RALYL: variants seen among roughly 807,000 people sequenced by gnomAD.
RALYL encodes the protein RALY RNA binding protein like.
In RALYL, 29 loss-of-function variants were observed where a neutral mutation model predicts 35.1. The observed-to-expected ratio is 0.83, with a 90% CI of 0.61 to 1.13. RALYL has a LOEUF of 1.13. Among genes scored for constraint, RALYL ranks in the 50% most tolerant of loss-of-function variants. The pLI is 0.00. For missense variants in RALYL, 359 were observed against 360.4 expected (o/e 1.00, Z 0.03); for synonymous variants, 120 against 127.6 (o/e 0.94, Z 0.40).
intron 2 of RALYL, among the ~76,000 whole-genome samples, chr8:84,744,459 A>T (rs1808135978): frequency 6.6e-6 from 1 of 152,026 alleles, no homozygotes; most frequent in Admixed American, 6.6e-5. Flanking sequence ...GCAAAGCAGG[A>T]AGCCACTCTT....
chr8:84,438,592 A>G (rs570042026), intron 1 of RALYL, among the ~76,000 whole-genome samples: 56 of 152,008 alleles, frequency 3.7e-4, no homozygotes, highest in African/African-American at 1.3e-3. Flanking sequence ...AGGTTTTGCC[A>G]TGTTGCCCAG....
intron 1 of RALYL, among the ~76,000 whole-genome samples, chr8:84,446,828 C>G (rs567317553): frequency 6.6e-6 from 1 of 152,156 alleles, no homozygotes; most frequent in East Asian, 1.9e-4. Context: ...TATAAATAAG[C>G]TTGATTCTCA....
chr8:84,627,525 A>G (rs1029678236), intron 2 of RALYL, among the ~76,000 whole-genome samples: 1 of 150,050 alleles, frequency 6.7e-6, no homozygotes. Flanking sequence ...TAATACATAC[A>G]GCATTTCTTT....
intron 1 of RALYL, among the ~76,000 whole-genome samples, chr8:84,195,787 G>A (rs1424196141): frequency 6.6e-6 from 1 of 152,068 alleles, no homozygotes; most frequent in African/African-American, 2.4e-5. Flanking sequence ...AGGAACAACA[G>A]CAACAAAAAG....
chr8:84,708,340 A>G (rs1841566541), intron 2 of RALYL, among the ~76,000 whole-genome samples: 1 of 152,136 alleles, frequency 6.6e-6, no homozygotes, highest in African/African-American at 2.4e-5. Flanking sequence ...ATAATTCACT[A>G]TACAAGAGGA....
intron 1 of RALYL, among the ~76,000 whole-genome samples, chr8:84,433,600 T>C (rs936322698): frequency 2.0e-5 from 3 of 152,014 alleles, no homozygotes; most frequent in Non-Finnish European, 4.4e-5. Flanking sequence ...TCACGAGATC[T>C]GTTGGGTTTA....
chr8:84,587,938 A>G (rs1248418273), intron 2 of RALYL, among the ~76,000 whole-genome samples: 1 of 152,172 alleles, frequency 6.6e-6, no homozygotes, highest in African/African-American at 2.4e-5. Context: ...AAAGGATGGT[A>G]GCAGAGTGCT....
At chr8:84,832,970 T>C (rs1831212679) in intron 4 of RALYL, among the ~76,000 whole-genome samples, 1 of 152,212 alleles carries the variant, frequency 6.6e-6, no homozygotes, top group East Asian at 1.9e-4. Context: ...TACTACCCTT[T>C]AATACTTAGT....
chr8:84,827,357 T>G (rs890983188), intron 4 of RALYL, among the ~76,000 whole-genome samples: 1 of 151,962 alleles, frequency 6.6e-6, no homozygotes, highest in Non-Finnish European at 1.5e-5. Context: ...ACTAAAACAG[T>G]TTACTGTATA....
At chr8:84,909,608 T>C (rs1847159658) in intron 8 of RALYL, among the ~76,000 whole-genome samples, 3 of 152,094 alleles carry the variant, frequency 2.0e-5, no homozygotes, top group African/African-American at 7.2e-5. Context: ...ATAAAGGCTG[T>C]ATGAACAAAG....
chr8:84,372,778 A>G (rs999926732), intron 1 of RALYL, among the ~76,000 whole-genome samples: 3 of 150,142 alleles, frequency 2.0e-5, no homozygotes, highest in African/African-American at 7.3e-5. Context: ...TTCTGATTTT[A>G]GGTCTTTGAG....
intron 2 of RALYL, among the ~76,000 whole-genome samples, chr8:84,683,973 A>T (rs986858699): frequency 2.6e-5 from 4 of 152,126 alleles, no homozygotes. Context: ...AAGTGGTGGG[A>T]TTACAGGCGT....
chr8:84,730,184 C>A (rs1007587385), intron 2 of RALYL, among the ~76,000 whole-genome samples: 3 of 152,000 alleles, frequency 2.0e-5, no homozygotes, highest in African/African-American at 7.2e-5. Flanking sequence ...AGCTTATCCA[C>A]CATGATCAAG....
intron 8 of RALYL, among the ~76,000 whole-genome samples, chr8:84,919,393 A>G (rs940758545): frequency 6.6e-6 from 1 of 151,992 alleles, no homozygotes; most frequent in Non-Finnish European, 1.5e-5. Flanking sequence ...ATCATTGTTG[A>G]TATGTGCATG....
intron 1 of RALYL, among the ~76,000 whole-genome samples, chr8:84,307,503 C>T (rs955838789): frequency 2.0e-5 from 3 of 152,096 alleles, no homozygotes; most frequent in South Asian, 2.1e-4. Flanking sequence ...AGCACAACCA[C>T]GTATATTTTA....
Position 84,887,166 on chromosome 8 carries a change from C to T in RALYL, c.686-438C>T, listed in dbSNP as rs557114711. On this transcript the variant is annotated intron_variant, in intron 7 of 8. Transcript: ENST00000521268. Reference sequence around the variant, plus strand: ...TTTGTCTTTTTCACTTAGGTTTGAACTTGTCAATGAATTTTCTCAATCCTG... The same window carrying T: ...TTTGTCTTTTTCACTTAGGTTTGAATTTGTCAATGAATTTTCTCAATCCTG... 5.3e-5 allele frequency among the ~76,000 whole-genome samples: 8 copies of T among 152,214 alleles called. No homozygotes were observed. In the South Asian group the frequency reaches 1.0e-3, roughly 20 times the overall value.
intron 2 of RALYL, among the ~76,000 whole-genome samples, chr8:84,724,675 T>A (rs1377388614): frequency 6.6e-6 from 1 of 151,738 alleles, no homozygotes; most frequent in Non-Finnish European, 1.5e-5. Flanking sequence ...CTGCTTCATA[T>A]TTTATCAAAG....
intron 4 of RALYL, among the ~76,000 whole-genome samples, chr8:84,830,570 A>G (rs182945232): frequency 6.1e-4 from 93 of 152,324 alleles, no homozygotes; most frequent in African/African-American, 2.2e-3. Context: ...GTAAACAATG[A>G]TTGTACAAGA....
chr8:84,426,573 T>C (rs1007844424), intron 1 of RALYL, among the ~76,000 whole-genome samples: 6 of 152,082 alleles, frequency 3.9e-5, no homozygotes, highest in African/African-American at 1.4e-4. Context: ...ATCCATGTTG[T>C]AGCAAATGAC....
Sources: allele counts gnomAD v4.1 joint callset (sites outside exome capture counted in the v4.1 genomes callset), GRCh38; gene constraint gnomAD v4.1.1; transcripts MANE v1.5; gene names NCBI Gene and HGNC (gene_info 2026-07-23, HGNC 2026-07-21).